The following TBC1D31 variants were observed in gnomAD, a reference collection of about 807,000 sequenced individuals.
TBC1D31 encodes WD repeat domain 67.
TBC1D31 carries 99 observed loss-of-function variants against 132.9 expected under a neutral mutation model. That is an observed-to-expected ratio of 0.74 (90% CI 0.63 to 0.88). TBC1D31 has a LOEUF of 0.88. Ranked by LOEUF, TBC1D31 falls within the 40% of genes least tolerant of loss-of-function variation. TBC1D31 has a pLI of 0.00. For missense variants in TBC1D31, 1,134 were observed against 1,256.6 expected (o/e 0.90, Z 1.48); for synonymous variants, 385 against 419.4 (o/e 0.92, Z 1.00).
downstream of TBC1D31, among the ~76,000 whole-genome samples, chr8:123,153,239 C>T (rs1242092594): frequency 6.6e-6 from 1 of 152,062 alleles, no homozygotes; most frequent in East Asian, 1.9e-4. Flanking sequence ...GCCTGCTCAC[C>T]GGAAAGCATT....
chr8:123,088,187 C>T (rs1175366710), intron 4 of TBC1D31, among the ~76,000 whole-genome samples: 1 of 117,102 alleles, frequency 8.5e-6, no homozygotes, highest in Non-Finnish European at 1.7e-5. Context: ...AGACTCTTGT[C>T]TCAAAAAAAA....
intron 7 of TBC1D31, among the ~76,000 whole-genome samples, chr8:123,101,402 GTTTTGTTTTTGT>G (rs756034177): frequency 1.5e-4 from 23 of 151,808 alleles, no homozygotes; most frequent in South Asian, 6.2e-4. Flanking sequence ...GTTTGTTTTT[GTTTTGTTTTTGT>G]TTTTGTTTTT....
intron 4 of TBC1D31, among the ~76,000 whole-genome samples, chr8:123,087,983 G>C (rs565100525): frequency 7.4e-6 from 1 of 135,214 alleles, no homozygotes; most frequent in African/African-American, 2.9e-5. Context: ...AGAAGTTCAA[G>C]AACAGCCTCA....
intron 17 of TBC1D31, among the ~76,000 whole-genome samples, chr8:123,139,122 T>G (rs1821382719): frequency 6.6e-6 from 1 of 151,856 alleles, no homozygotes; most frequent in Non-Finnish European, 1.5e-5. Flanking sequence ...TTTCTTGTTT[T>G]TTTTTTTTTT....
At chr8:123,148,266 A>G (rs1822432931) in intron 20 of TBC1D31, among the ~76,000 whole-genome samples, 1 of 152,240 alleles carries the variant, frequency 6.6e-6, no homozygotes, top group African/African-American at 2.4e-5. Context: ...AGGGAGCTAG[A>G]TTTTTGTTTT....
At chr8:123,121,925 A>G (rs1406424007) in intron 11 of TBC1D31, among the ~76,000 whole-genome samples, 2 of 152,222 alleles carry the variant, frequency 1.3e-5, no homozygotes, top group Admixed American at 6.5e-5. Context: ...ACAAATGACC[A>G]TCAAGCATAT....
intron 1 of TBC1D31, among the ~76,000 whole-genome samples, chr8:123,075,555 T>G (rs1188397941): frequency 6.6e-6 from 1 of 151,978 alleles, no homozygotes; most frequent in Admixed American, 6.6e-5. Flanking sequence ...TACAAAAAAT[T>G]AGCTGGGCAT....
chr8:123,149,724 A>G (rs1462884909), intron 20 of TBC1D31, among the ~76,000 whole-genome samples: 1 of 152,228 alleles, frequency 6.6e-6, no homozygotes, highest in African/African-American at 2.4e-5. Context: ...TCAGCTCATA[A>G]TAGTTTCCAG....
chr8:123,072,809 A>G lies in TBC1D31; in HGVS notation c.40A>G (p.Ile14Val). The G allele has an allele frequency of 2.5e-6, 4 of 1,574,778 alleles. No individual in the cohort carries two copies. Among genetic ancestry groups the G allele is most frequent in the Non-Finnish European group, 3.4e-6 (4 of 1,160,678 alleles). Reference sequence around the variant, plus strand: ...CCTAGGCAACAAGGAGAGCGGCAAGATATGGCACCGCAAGCCGTCCCCGGC... The same window carrying G: ...CCTAGGCAACAAGGAGAGCGGCAAGGTATGGCACCGCAAGCCGTCCCCGGC... ...TDLGNKESGKIWHRKPSPATR... is the reference protein window; with the variant it reads ...TDLGNKESGKVWHRKPSPATR... The change falls in exon 1 of 22, where the codon ATA (isoleucine) becomes GTA (valine). Residue 14 changes from isoleucine (I) to valine (V), a missense_variant. Ile to Val is a conservative substitution (Grantham distance 29). Coordinates refer to ENST00000287380, the MANE Select transcript of TBC1D31 (RefSeq NM_145647.4).
At chr8:123,074,796 T>C (rs1301920470) in intron 1 of TBC1D31, 4 of 152,222 alleles carry the variant, frequency 2.6e-5, no homozygotes, top group African/African-American at 9.7e-5. Context: ...CTCTGTGACC[T>C]TGGGGAAGTT....
chr8:123,151,942 T>C lies in TBC1D31; in HGVS notation c.*3T>C. 1 of 1,525,888 alleles carries C rather than the reference T, an allele frequency of 6.6e-7. No individual in the cohort carries two copies. The highest frequency in any genetic ancestry group is 8.8e-7 in the Non-Finnish European group (1 of 1,139,850). The allele number at this position is 1,525,888 out of a possible 1,614,324, so 94.5% of individuals were successfully genotyped here. A position where few individuals can be genotyped will look rare whatever the true frequency, so the allele number is the denominator to read the frequency against. On this transcript the variant is annotated 3_prime_UTR_variant, in exon 22 of 22. Transcript: ENST00000287380. Reference sequence around the variant, plus strand: ...CCCCTCATCTTTTGGCTGCATAGAATGCATGTCACCTTGAGACGGTCGAGA... The same window carrying C: ...CCCCTCATCTTTTGGCTGCATAGAACGCATGTCACCTTGAGACGGTCGAGA...
At position 123,082,813 on chromosome 8, in the gene TBC1D31, T is replaced by C; in HGVS notation, c.336T>C (p.Asp112=). The C allele has an allele frequency of 6.3e-7, 1 of 1,598,786 alleles. No homozygotes were observed. Among genetic ancestry groups the C allele is most frequent in the South Asian group, 1.1e-5 (1 of 90,352 alleles). The change falls in exon 3 of 22, where the codon GAT becomes GAC. Residue 112 remains aspartate (D), a synonymous_variant. Coordinates refer to ENST00000287380, the MANE Select transcript of TBC1D31 (RefSeq NM_145647.4). The part of the protein sequence containing the change: ...ALADYSIKCF[D]TVTKELVSWM... ...CTGATTATTCTATTAAATGTTTTGA[T>C]ACAGGTAAGAAGTTCTCCTATTTTT...
rs114373125 is a variant in TBC1D31, at chr8:123,075,826, C to T, written c.78-1285C>T. On this transcript the variant is annotated intron_variant, in intron 1 of 21. Transcript: ENST00000287380. The stretch of plus-strand genomic sequence containing the variant: ...TTCTGATCTTTGTGACGAGAATATA[C>T]GCACATATATTATTTTAAGGAGTTA... Among the ~76,000 whole-genome samples, 908 of 152,100 alleles carry T rather than the reference C, an allele frequency of 6.0e-3. 8 individuals carry two copies. Among genetic ancestry groups the T allele is most frequent in the African/African-American group, 0.021 (875 of 41,490 alleles).
intron 8 of TBC1D31, among the ~76,000 whole-genome samples, chr8:123,105,681 T>C (rs1817860305): frequency 6.6e-6 from 1 of 152,152 alleles, no homozygotes; most frequent in Non-Finnish European, 1.5e-5. Context: ...ATTACAGGCA[T>C]GAGCTGCCAC....
chr8:123,120,278 C>A, intron 11 of TBC1D31, 90 bp downstream of exon 11: 1 of 1,023,476 alleles, frequency 9.8e-7, no homozygotes, highest in South Asian at 1.9e-5. Flanking sequence ...TTTAACAATT[C>A]TAGATGTCTC....
intron 7 of TBC1D31, 31 bp from the exon 8 acceptor site, chr8:123,105,256 TA>T: frequency 7.0e-7 from 1 of 1,419,668 alleles, no homozygotes; most frequent in East Asian, 2.6e-5. Flanking sequence ...GGATATCCAT[TA>T]GAATATATAT....
chr8:123,113,948 C>T (rs1338294249), intron 10 of TBC1D31, among the ~76,000 whole-genome samples: 1 of 152,032 alleles, frequency 6.6e-6, no homozygotes, highest in Non-Finnish European at 1.5e-5. Context: ...ATGAATGAGT[C>T]TTGTTTAGAC....
At chr8:123,141,811 CCTTGGCTGTAAATTAGAGTCA>C (rs58764179) in intron 18 of TBC1D31, among the ~76,000 whole-genome samples, 11,127 of 146,054 alleles carry the variant, frequency 0.076, 453 homozygotes, top group Non-Finnish European at 0.091. Flanking sequence ...AAGTTCTTAA[CCTTGGCTGTAAATTAGAGTCA>C]CTTGAAGAGC....
At chr8:123,160,540 C>G in the TBC1D31 span, among the ~76,000 whole-genome samples, 117 of 152,170 alleles carry the variant, frequency 7.7e-4, no homozygotes, top group Middle Eastern at 3.4e-3. Flanking sequence ...CTGGGCTGAT[C>G]CTGCCTTGGG....
Sources: gnomAD v4.1 joint callset for allele counts (sites outside exome capture counted in the v4.1 genomes callset) on GRCh38, gnomAD v4.1.1 for gene constraint, MANE v1.5 for transcripts, NCBI Gene and HGNC (gene_info 2026-07-23, HGNC 2026-07-21) for gene names.